The following COL6A6 variants were observed in gnomAD, a reference collection of about 807,000 sequenced individuals.
COL6A6 encodes the protein collagen alpha-6(VI) chain.
In COL6A6, 183 loss-of-function variants were observed where a neutral mutation model predicts 208.6. The ratio of observed to expected loss-of-function variants is 0.88; its 90% CI spans 0.78 to 0.99. The LOEUF (loss-of-function observed/expected upper bound fraction) is 0.99. Among genes scored for constraint, COL6A6 ranks in the 50% least tolerant of loss-of-function variants. The pLI, the probability that COL6A6 is intolerant of heterozygous loss-of-function variation, is 0.00. For missense variants in COL6A6, 2,816 were observed against 2,815.2 expected, an observed-to-expected ratio of 1.00 and a Z score of -0.01; for synonymous variants, 973 against 1,011.8, an observed-to-expected ratio of 0.96 and a Z score of 0.73.
At chr3:130,526,737 G>T (rs2061969252) in intron 1 of COL6A6, among the ~76,000 whole-genome samples, 2 of 152,036 alleles carry the variant, frequency 1.3e-5, no homozygotes, top group African/African-American at 4.8e-5. Context: ...ATGTATCACA[G>T]TTGTAACTTT....
rs547833571 is a variant in COL6A6 at position 130,565,266 on chromosome 3, A to G, written c.934A>G (p.Ile312Val). ...RTGKAYTGAA[I>V]KKLRKEVFSA... is the part of the protein sequence containing the mutation. ...TGGGAAGGCCTATACTGGAGCTGCC[A>G]TCAAAAAGCTCAGGAAGGAAGTTTT... is the stretch of plus-strand genomic sequence containing the variant. Residue 312 changes from isoleucine to valine, a missense_variant, in exon 4 of 37, where the codon ATC (isoleucine) becomes GTC (valine). Transcript: ENST00000358511. 23 of 1,614,054 alleles carry G rather than the reference A, an allele frequency of 1.4e-5. 1 individual carries two copies. The Admixed American group carries it at 2.0e-4, about 14-fold the overall frequency.
chr3:130,623,107 G>A (rs2064785934), intron 24 of COL6A6, among the ~76,000 whole-genome samples: 1 of 152,084 alleles, frequency 6.6e-6, no homozygotes, highest in African/African-American at 2.4e-5. Flanking sequence ...TGAATGGAGT[G>A]GATGAACACA....
chr3:130,580,127 T>G (rs886989030), intron 8 of COL6A6, among the ~76,000 whole-genome samples: 1 of 152,218 alleles, frequency 6.6e-6, no homozygotes, highest in African/African-American at 2.4e-5. Context: ...TTAAAGACAT[T>G]ATCATATCTT....
intron 12 of COL6A6, among the ~76,000 whole-genome samples, chr3:130,590,619 G>C (rs2063685493): frequency 6.6e-6 from 1 of 151,852 alleles, no homozygotes; most frequent in Admixed American, 6.6e-5. Flanking sequence ...CCAGGCTGGA[G>C]TGCAGTGGTG....
chr3:130,566,135 G>A (rs918445294), intron 4 of COL6A6, among the ~76,000 whole-genome samples: 15 of 152,096 alleles, frequency 9.9e-5, no homozygotes, highest in Admixed American at 7.9e-4. Flanking sequence ...TGTATCTTAT[G>A]TTTCATATAT....
chr3:130,606,885 A>G, intron 20 of COL6A6, 46 bp from the exon 21 acceptor site: 1 of 1,517,926 alleles, frequency 6.6e-7, no homozygotes, highest in Non-Finnish European at 9.0e-7. Flanking sequence ...ATATATAAAA[A>G]GCATTTTTTC....
At chr3:130,642,243 ATGTGTGTGTGTGTGTGTGTG>A (rs3074299) in intron 29 of COL6A6, among the ~76,000 whole-genome samples, 11 of 142,100 alleles carry the variant, frequency 7.7e-5, no homozygotes, top group African/African-American at 1.3e-4. Flanking sequence ...GACAGATTAT[ATGTGTGTGTGTGTGTGTGTG>A]TGTGTGTGTG....
chr3:130,639,710 A>ATG (rs2065258739), intron 28 of COL6A6, among the ~76,000 whole-genome samples: 2 of 146,652 alleles, frequency 1.4e-5, no homozygotes, highest in Non-Finnish European at 3.0e-5. Context: ...AAAAAAAAAA[A>ATG]TGACTGATTG....
At chr3:130,658,043 A>C (rs1001954811) in intron 33 of COL6A6, among the ~76,000 whole-genome samples, 32 of 152,068 alleles carry the variant, frequency 2.1e-4, no homozygotes, top group Admixed American at 5.2e-4. Flanking sequence ...CCAAGTTGGG[A>C]AAGGGTTGGG....
chr3:130,598,291 T>C, intron 18 of COL6A6, 74 bp from the exon 19 acceptor site: 1 of 979,062 alleles, frequency 1.0e-6, no homozygotes, highest in African/African-American at 1.6e-5. Context: ...GTTAGCTAAG[T>C]GTTATACATA....
rs545631079 is a variant in COL6A6 at position 130,628,759 on chromosome 3, C to T, written c.4992+1390C>T. Among the ~76,000 whole-genome samples the T allele has an allele frequency of 5.2e-4, 34 of 65,336 alleles. 6 individuals carry two copies. Among genetic ancestry groups the T allele is most frequent in the East Asian group, 8.0e-4 (2 of 2,502 alleles). 42.9% of individuals were successfully genotyped at this position (65,336 alleles called of 152,430 possible). A position where few individuals can be genotyped will look rare whatever the true frequency, so the allele number is the denominator to read the frequency against. On this transcript the variant is annotated intron_variant, in intron 26 of 36. Transcript: ENST00000358511. ...GAAGATGGCCGAATAGGAACAGCTC[C>T]GGTCTACAGCTCCCTGCGTGAGCGA... is the stretch of plus-strand genomic sequence containing the variant.
rs569325029 is a variant in COL6A6 at position 130,556,389 on chromosome 3, GCTCT to G, written c.-31-3942_-31-3939del. Among the ~76,000 whole-genome samples, 5 of 151,982 alleles carry G rather than the reference GCTCT, an allele frequency of 3.3e-5. No homozygotes were observed. The South Asian group carries it at 1.0e-3, about 32-fold the overall frequency. ...GATGGCTGATATTCCTTTATTTTCT[GCTCT>G]CTAAAATACTTTATAAAAGATTCAG... is the stretch of plus-strand genomic sequence containing the variant. On this transcript the variant is annotated intron_variant, in intron 1 of 36. Transcript: ENST00000358511.
chr3:130,662,091 C>T lies in COL6A6; in HGVS notation c.6285C>T (p.His2095=), dbSNP rs1204304986. ...TGATATCTGCTGGGGAAACCAGCCA[C>T]TTAGATGGGGAAATCTTAAAGAAGG... is the stretch of plus-strand genomic sequence containing the variant. The part of the protein sequence containing the change: ...IFVISAGETS[H]LDGEILKKES... Residue 2095 remains histidine, a synonymous_variant, in exon 35 of 37, where the codon CAC becomes CAT. Transcript: ENST00000358511. 10 of 1,613,962 alleles carry T rather than the reference C, an allele frequency of 6.2e-6. No homozygotes were observed. In the African/African-American group the frequency reaches 6.7e-5, roughly 11 times the overall value.
intron 10 of COL6A6, 58 bp downstream of exon 10, chr3:130,582,126 A>G: frequency 9.3e-7 from 1 of 1,075,844 alleles, no homozygotes; most frequent in Non-Finnish European, 1.3e-6. Context: ...TCTCAGAACT[A>G]AATTCTGGCT....
intron 1 of COL6A6, among the ~76,000 whole-genome samples, chr3:130,558,361 C>G (rs917320383): frequency 4.6e-5 from 7 of 152,162 alleles, no homozygotes; most frequent in Admixed American, 2.6e-4. Context: ...GGCACACACA[C>G]CTCAAGAACG....
At chr3:130,673,464 G>A (rs529931285) in intron 36 of COL6A6, among the ~76,000 whole-genome samples, 1 of 152,082 alleles carries the variant, frequency 6.6e-6, no homozygotes, top group Admixed American at 6.6e-5. Flanking sequence ...CGGAAAAGGC[G>A]GGGAGGTGGG....
chr3:130,566,648 T>C, intron 4 of COL6A6, 54 bp from the exon 5 acceptor site: 1 of 1,439,852 alleles, frequency 6.9e-7, no homozygotes, highest in Non-Finnish European at 9.3e-7. Context: ...TGTGCTCTCA[T>C]TTCTTCTTCA....
chr3:130,547,752 CTACTT>C (rs1342888226), intron 1 of COL6A6, among the ~76,000 whole-genome samples: 3 of 152,204 alleles, frequency 2.0e-5, no homozygotes, highest in African/African-American at 7.2e-5. Flanking sequence ...TGTGTGCTGT[CTACTT>C]TATCCATAAG....
intron 12 of COL6A6, among the ~76,000 whole-genome samples, chr3:130,590,590 C>T (rs1419655558): frequency 2.0e-5 from 3 of 150,384 alleles, no homozygotes; most frequent in Non-Finnish European, 3.0e-5. Flanking sequence ...TTTTTTGAGA[C>T]GGAGTCTCGC....
Sources: allele counts gnomAD v4.1 joint callset (sites outside exome capture counted in the v4.1 genomes callset), GRCh38; gene constraint gnomAD v4.1.1; transcripts MANE v1.5; gene names NCBI Gene and HGNC (gene_info 2026-07-23, HGNC 2026-07-21).